SUGT1: variants seen among roughly 807,000 people sequenced by gnomAD.
SUGT1 encodes the protein SGT1 assembly cochaperone of MIS12 kinetochore complex, also known as protein SGT1 homolog.
In SUGT1, 15 loss-of-function variants were observed where a neutral mutation model predicts 56.1. That is an observed-to-expected ratio of 0.27 (90% confidence interval 0.18 to 0.41). The LOEUF (loss-of-function observed/expected upper bound fraction) is 0.41, where lower values mean the gene tolerates loss of function less well. SUGT1 is among the 10% of genes least tolerant of loss of function. The pLI is 1.00. For synonymous variants in SUGT1, 123 were observed against 128.6 expected, an observed-to-expected ratio of 0.96 and a Z score of 0.30; for missense variants, 347 against 382.2, an observed-to-expected ratio of 0.91 and a Z score of 0.77.
At position 52,693,764 on chromosome 13, in the gene SUGT1, G is replaced by A. The variant is rs1229527270; in HGVS notation, c.*5929G>A. 7 of 152,046 alleles carry A rather than the reference G, an allele frequency of 4.6e-5. No homozygotes were observed. Among genetic ancestry groups the A allele is most frequent in the East Asian group, 1.9e-4 (1 of 5,186 alleles). 9.4% of individuals were successfully genotyped at this position (152,046 alleles called of 1,614,324 possible). A position where few individuals can be genotyped will look rare whatever the true frequency, so the allele number is the denominator to read the frequency against. On this transcript the variant is annotated 3_prime_UTR_variant, in exon 13 of 13. Transcript: ENST00000310528. ...ATCTGTATGACAAGTGATATAAAAC[G>A]TGACCTGAATTTATAATATGAATAG...
chr13:52,681,460 A>AGT (rs1963372118), intron 12 of SUGT1, among the ~76,000 whole-genome samples: 1 of 152,024 alleles, frequency 6.6e-6, no homozygotes, highest in African/African-American at 2.4e-5. Context: ...TTTTGAGATA[A>AGT]TTGTAGATTG....
At chr13:52,670,169 T>C (rs561499228) in intron 10 of SUGT1, among the ~76,000 whole-genome samples, 1 of 152,306 alleles carries the variant, frequency 6.6e-6, no homozygotes, top group South Asian at 2.1e-4. Flanking sequence ...TGGTTAAATA[T>C]TATTTATTTG....
At chr13:52,669,923 TAA>T (rs1962863012) in intron 10 of SUGT1, among the ~76,000 whole-genome samples, 1 of 152,192 alleles carries the variant, frequency 6.6e-6, no homozygotes, top group Non-Finnish European at 1.5e-5. Flanking sequence ...CGTGGACACT[TAA>T]GAGACAACAG....
intron 2 of SUGT1, among the ~76,000 whole-genome samples, chr13:52,656,153 G>T (rs1176949984): frequency 6.6e-6 from 1 of 152,212 alleles, no homozygotes; most frequent in Non-Finnish European, 1.5e-5. Context: ...CAAAGGAGAT[G>T]CAGTCAAAGT....
chr13:52,668,746 A>G (rs1018426564), intron 10 of SUGT1, among the ~76,000 whole-genome samples: 5 of 151,358 alleles, frequency 3.3e-5, no homozygotes, highest in African/African-American at 9.7e-5. Flanking sequence ...TTTTTTTGGT[A>G]TATGTCTATC....
rs1430451144 is a variant in SUGT1, at chr13:52,658,431, C to T, written c.220C>T (p.Leu74Phe). ...TGCTGATGCAAAGAAGTCTCTAGAA[C>T]TCAATCCAAATAATTCCACTGCTAT... ...AVADAKKSLE[L>F]NPNNSTAMLR... The change falls in exon 4 of 13, where the codon CTC becomes TTC. Residue 74 changes from leucine (L) to phenylalanine (F), a missense_variant. Physicochemically the swap from Leu to Phe is conservative, Grantham distance 22. Coordinates refer to ENST00000310528, the MANE Select transcript of SUGT1 (RefSeq NM_006704.5). 2 of 1,613,046 alleles carry T rather than the reference C, an allele frequency of 1.2e-6. No individual in the cohort carries two copies. Among genetic ancestry groups the T allele is most frequent in the East Asian group, 2.2e-5 (1 of 44,784 alleles).
At chr13:52,676,131 C>T in intron 10 of SUGT1, 99 bp from the exon 11 acceptor site, 1 of 824,338 alleles carries the variant, frequency 1.2e-6, no homozygotes. Flanking sequence ...GTCAAAGATA[C>T]TATTCTTAAC....
At chr13:52,674,236 G>C (rs1433278415) in intron 10 of SUGT1, among the ~76,000 whole-genome samples, 2 of 151,814 alleles carry the variant, frequency 1.3e-5, no homozygotes, top group Non-Finnish European at 2.9e-5. Flanking sequence ...ATTTTTAGTA[G>C]AGACAGGGTT....
chr13:52,686,861 C>T (rs1386646152), intron 12 of SUGT1, among the ~76,000 whole-genome samples: 4 of 151,776 alleles, frequency 2.6e-5, no homozygotes, highest in South Asian at 2.1e-4. Flanking sequence ...ACCTGAGGGT[C>T]GGGAGTTCGA....
At chr13:52,682,010 A>G (rs544289442) in intron 12 of SUGT1, among the ~76,000 whole-genome samples, 28 of 137,832 alleles carry the variant, frequency 2.0e-4, no homozygotes, top group African/African-American at 4.7e-4. Context: ...TTCTCCCAGT[A>G]TGTAGTTTTC....
chr13:52,683,703 G>C (rs1277599393), intron 12 of SUGT1, among the ~76,000 whole-genome samples: 1 of 152,082 alleles, frequency 6.6e-6, no homozygotes, highest in African/African-American at 2.4e-5. Flanking sequence ...CCAGTGAAAC[G>C]GTCTGGGCCT....
intron 11 of SUGT1, among the ~76,000 whole-genome samples, chr13:52,678,553 A>G (rs1316943873): frequency 1.3e-5 from 2 of 152,186 alleles, no homozygotes; most frequent in African/African-American, 4.8e-5. Context: ...TGCTAGCCAC[A>G]TGTTACCTGT....
At chr13:52,663,221 A>T in intron 7 of SUGT1, 109 bp downstream of exon 7, 1 of 1,141,570 alleles carries the variant, frequency 8.8e-7, no homozygotes, top group Non-Finnish European at 1.2e-6. Context: ...AATATTAAGC[A>T]ATTCCATTTA....
intron 2 of SUGT1, among the ~76,000 whole-genome samples, chr13:52,653,930 C>T (rs886632479): frequency 9.9e-5 from 15 of 152,124 alleles, no homozygotes; most frequent in Non-Finnish European, 1.8e-4. Context: ...AGAAATGTGC[C>T]ACATGGTACT....
intron 5 of SUGT1, among the ~76,000 whole-genome samples, 168 bp downstream of exon 5, chr13:52,659,417 A>G (rs1962318130): frequency 6.6e-6 from 1 of 152,186 alleles, no homozygotes; most frequent in African/African-American, 2.4e-5. Flanking sequence ...CTTAAAATCG[A>G]TTAAATTAGC....
intron 11 of SUGT1, among the ~76,000 whole-genome samples, chr13:52,677,631 A>G (rs7995188): frequency 0.93 from 141,169 of 152,198 alleles, 65,593 homozygotes; most frequent in East Asian, 0.99. Flanking sequence ...AGAAAAGTTA[A>G]GCTCAAGATT....
At position 52,657,638 on chromosome 13, in the gene SUGT1, A is replaced by C; in HGVS notation, c.187+16A>C. 1.2e-6 allele frequency: 2 copies of C among 1,600,124 alleles called. No homozygotes were observed. The highest frequency in any genetic ancestry group is 1.7e-5 in the Admixed American group (1 of 59,446). On this transcript the variant is annotated intron_variant, in intron 3 of 12. Transcript: ENST00000310528. ...AATTACTGTGGTAACGTTTCTTATA[A>C]AGTATATTGCCCCCTTTTAATAAGT...
In SUGT1 at chr13:52,662,850, G is replaced by T. The variant is rs527998763; in HGVS notation, c.382+148G>T. The T allele has an allele frequency of 2.7e-5, 24 of 873,886 alleles. No individual in the cohort carries two copies. The African/African-American group carries it at 3.9e-4, about 14-fold the overall frequency. The allele number at this position is 873,886 out of a possible 1,614,324, so 54.1% of individuals were successfully genotyped here. A position where few individuals can be genotyped will look rare whatever the true frequency, so the allele number is the denominator to read the frequency against. ...GATGTGGACTTCCAAAGATACACTG[G>T]TTTTTGCATAGCTTCTTATGTTGAA... is the stretch of plus-strand genomic sequence containing the variant. On this transcript the variant is annotated intron_variant, in intron 6 of 12. Coordinates refer to ENST00000310528, the MANE Select transcript of SUGT1 (RefSeq NM_006704.5).
chr13:52,687,621 G>T, intron 12 of SUGT1, 113 bp from the exon 13 acceptor site: 1 of 574,598 alleles, frequency 1.7e-6, no homozygotes, highest in Non-Finnish European at 2.8e-6. Flanking sequence ...AGTTTATATT[G>T]AGCTGTATAT....
Sources: allele counts gnomAD v4.1 joint callset (sites outside exome capture counted in the v4.1 genomes callset), GRCh38; gene constraint gnomAD v4.1.1; transcripts MANE v1.5; gene names NCBI Gene and HGNC (gene_info 2026-07-23, HGNC 2026-07-21).